MTMR8: variants seen among roughly 807,000 people sequenced by gnomAD.
MTMR8 encodes the protein phosphatidylinositol-3,5-bisphosphate 3-phosphatase MTMR8.
A neutral mutation model predicts 39.3 loss-of-function variants in MTMR8; 65 were observed. The ratio of observed to expected loss-of-function variants is 1.65; its 90% confidence interval spans 1.35 to 2.03. The LOEUF is 2.03. MTMR8 is among the 30% of genes most tolerant of loss of function. MTMR8 has a pLI of 0.00. For synonymous variants in MTMR8, 245 were observed against 185.2 expected (o/e 1.32, Z -2.62); for missense variants, 777 against 538.9 (o/e 1.44, Z -4.37).
At chrX:64,340,080 G>A (rs1923176055) in intron 8 of MTMR8, among the ~76,000 whole-genome samples, 1 of 111,813 alleles carries the variant, frequency 8.9e-6, no homozygotes, top group Admixed American at 9.5e-5. Context: ...AGGTCAGGGT[G>A]TAAGAGCAGA....
intron 12 of MTMR8, among the ~76,000 whole-genome samples, chrX:64,308,223 T>C (rs1374360289): frequency 9.0e-6 from 1 of 111,098 alleles, no homozygotes; most frequent in African/African-American, 3.3e-5. Flanking sequence ...AATACTTTTT[T>C]TTTTATTATT....
At chrX:64,317,111 CAAA>C (rs1203927676) in intron 12 of MTMR8, among the ~76,000 whole-genome samples, 2 of 46,089 alleles carry the variant, frequency 4.3e-5, no homozygotes. Context: ...GACTGTGTCT[CAAA>C]AAAAAAAAAA....
At chrX:64,289,099 G>T (rs1370846922) in intron 12 of MTMR8, among the ~76,000 whole-genome samples, 1 of 109,985 alleles carries the variant, frequency 9.1e-6, no homozygotes, top group African/African-American at 3.3e-5. Flanking sequence ...CAATTATAAA[G>T]TGTGCAAAGG....
chrX:64,308,783 C>T (rs1922207242), intron 12 of MTMR8, among the ~76,000 whole-genome samples: 1 of 111,184 alleles, frequency 9.0e-6, no homozygotes, highest in Non-Finnish European at 1.9e-5. Flanking sequence ...TGTGTAAGCT[C>T]TGTGTCTAGA....
chrX:64,318,681 AGTTT>A (rs956873956), intron 12 of MTMR8, among the ~76,000 whole-genome samples: 1 of 103,679 alleles, frequency 9.6e-6, no homozygotes, highest in Non-Finnish European at 2.0e-5. Flanking sequence ...CCCTAAAACT[AGTTT>A]GTTTGGTTTG....
At chrX:64,278,423 GTC>G (rs1931926619) in intron 12 of MTMR8, among the ~76,000 whole-genome samples, 2 of 89,709 alleles carry the variant, frequency 2.2e-5, no homozygotes, top group Non-Finnish European at 4.4e-5. Context: ...CTGTGTGGAT[GTC>G]CTTTTTGTTG....
chrX:64,268,722 C>G lies in MTMR8; in HGVS notation c.1930G>C (p.Glu644Gln), dbSNP rs931770342. 1 of 1,211,736 alleles carries G rather than the reference C, an allele frequency of 8.3e-7. No individual in the cohort carries two copies. The highest frequency in any genetic ancestry group is 2.2e-5 in the Admixed American group (1 of 46,040). Residue 644 changes from glutamate (E) to glutamine (Q), a missense_variant, in exon 14 of 14, where the codon GAG becomes CAG. Glu to Gln is a conservative substitution (Grantham distance 29). Coordinates refer to ENST00000374852, the MANE Select transcript of MTMR8 (RefSeq NM_017677.4). Reference protein sequence around the residue: ...MGISGDMCTFEATGFSKDLGI... With the variant: ...MGISGDMCTFQATGFSKDLGI... ...AAGTCTTTGGAGAAGCCCGTAGCCT[C>G]AAAGGTGCACATGTCTCCAGAGATG...
At chrX:64,286,746 T>C (rs1350043248) in intron 12 of MTMR8, among the ~76,000 whole-genome samples, 3 of 111,602 alleles carry the variant, frequency 2.7e-5, no homozygotes, top group Admixed American at 1.9e-4. Flanking sequence ...GAAAAGGCCT[T>C]TGACAAAATT....
chrX:64,305,864 C>G (rs770546965), intron 12 of MTMR8: 1 of 277,186 alleles, frequency 3.6e-6, no homozygotes, highest in East Asian at 7.6e-5. Flanking sequence ...ACTTGGAATG[C>G]TAGCACTTTG....
chrX:64,385,305 C>A (rs150085528), intron 1 of MTMR8, among the ~76,000 whole-genome samples: 1 of 111,714 alleles, frequency 9.0e-6, no homozygotes, highest in Non-Finnish European at 1.9e-5. Context: ...TGTTCACAAC[C>A]ATTTAACCAG....
chrX:64,365,667 T>C (rs1301652844), intron 1 of MTMR8, among the ~76,000 whole-genome samples: 1 of 111,686 alleles, frequency 9.0e-6, no homozygotes, highest in East Asian at 2.8e-4. Flanking sequence ...GGCTAAATTG[T>C]AAAGATCATC....
intron 12 of MTMR8, chrX:64,305,704 C>T (rs1602121016): frequency 3.8e-6 from 2 of 523,194 alleles, no homozygotes; most frequent in South Asian, 4.7e-5. Context: ...TAAGAGAGGG[C>T]CCAGTCTGTA....
At position 64,359,530 on chromosome X, in the gene MTMR8, G is replaced by C; in HGVS notation, c.25-3C>G. The C allele has an allele frequency of 8.4e-7, 1 of 1,192,814 alleles. No homozygotes were observed. Among genetic ancestry groups the C allele is most frequent in the Non-Finnish European group, 1.1e-6 (1 of 884,625 alleles). On this transcript the variant is annotated splice_region_variant and splice_polypyrimidine_tract_variant and intron_variant, in intron 1 of 13. Transcript: ENST00000374852. The stretch of plus-strand genomic sequence containing the variant: ...TCCACCAATTTCACGTTTTCTACCT[G>C]TTATTGGAGGAAAAAATACTGAATA...
At chrX:64,310,979 A>G (rs1209562022) in intron 12 of MTMR8, among the ~76,000 whole-genome samples, 1 of 111,634 alleles carries the variant, frequency 9.0e-6, no homozygotes, top group Non-Finnish European at 1.9e-5. Context: ...ATGTGTCTTT[A>G]TAGTAGCATG....
At chrX:64,333,770 C>G (rs1198205899) in intron 10 of MTMR8, among the ~76,000 whole-genome samples, 3 of 111,883 alleles carry the variant, frequency 2.7e-5, no homozygotes, top group Non-Finnish European at 3.8e-5. Context: ...GCTTTCACCA[C>G]TTTGCTCAAC....
rs760545171 is a variant in MTMR8 at position 64,362,471 on chromosome X, G to GAAAAAAAAAA, written c.25-2954_25-2945dup. On this transcript the variant is annotated intron_variant, in intron 1 of 13. Transcript: ENST00000374852. ...ACAAAAAACCTCTAGTACTATTGCA[G>GAAAAAAAAAA]AAAAAAAAAAAAAAAAAAAAAAAAA... 5.5e-4 allele frequency among the ~76,000 whole-genome samples: 3 copies of GAAAAAAAAAA among 5,500 alleles called. 1 individual carries two copies. Among genetic ancestry groups the GAAAAAAAAAA allele is most frequent in the Non-Finnish European group, 7.2e-4 (2 of 2,793 alleles). 4.8% of individuals were successfully genotyped at this position (5,500 alleles called of 115,157 possible).
chrX:64,378,379 C>G (rs1165710620), intron 1 of MTMR8, among the ~76,000 whole-genome samples: 2 of 111,287 alleles, frequency 1.8e-5, no homozygotes, highest in African/African-American at 6.6e-5. Flanking sequence ...AATCACCATG[C>G]CAACATAATT....
At chrX:64,320,731 C>G (rs994900880) in intron 12 of MTMR8, among the ~76,000 whole-genome samples, 2 of 110,899 alleles carry the variant, frequency 1.8e-5, no homozygotes, top group South Asian at 7.7e-4. Context: ...AGGTCAGATA[C>G]ATGCTGAGGG....
chrX:64,345,196 T>C lies in MTMR8; in HGVS notation c.733-19A>G. The C allele has an allele frequency of 8.3e-7, 1 of 1,205,927 alleles. No individual in the cohort carries two copies. Among genetic ancestry groups the C allele is most frequent in the Non-Finnish European group, 1.1e-6 (1 of 891,885 alleles). On this transcript the variant is annotated intron_variant, in intron 6 of 13. Coordinates refer to ENST00000374852, the MANE Select transcript of MTMR8 (RefSeq NM_017677.4). ...CATTCAACTGCAATAGCAGAGGACA[T>C]AATAGAGCAGATAGGCCAGATGATG...
Sources: allele counts gnomAD v4.1 joint callset (sites outside exome capture counted in the v4.1 genomes callset), GRCh38; gene constraint gnomAD v4.1.1; transcripts MANE v1.5; gene names NCBI Gene and HGNC (gene_info 2026-07-23, HGNC 2026-07-21).